CNGB3: variants seen among roughly 807,000 people sequenced by gnomAD.
CNGB3 encodes cyclic nucleotide-gated channel beta-3.
In CNGB3, 86 loss-of-function variants were observed where a neutral mutation model predicts 92.8. The observed-to-expected ratio is 0.93, with a 90% confidence interval of 0.78 to 1.11. The LOEUF (loss-of-function observed/expected upper bound fraction) is 1.11. Ranked by LOEUF, CNGB3 falls within the 50% of genes least tolerant of loss-of-function variation. The pLI is 0.00. For missense variants in CNGB3, 1,026 were observed against 956.8 expected, an observed-to-expected ratio of 1.07 and a Z score of -0.95; for synonymous variants, 333 against 332.7, an observed-to-expected ratio of 1.00 and a Z score of -0.01.
chr8:86,696,795 T>G (rs184142276), intron 3 of CNGB3, among the ~76,000 whole-genome samples: 5 of 152,370 alleles, frequency 3.3e-5, no homozygotes, highest in Non-Finnish European at 7.3e-5. Context: ...CTCTTTATTT[T>G]CAGTCTCTGT....
chr8:86,604,037 C>T (rs1160622206), intron 15 of CNGB3, 56 bp downstream of exon 15: 1 of 1,194,222 alleles, frequency 8.4e-7, no homozygotes, highest in South Asian at 1.2e-5. Flanking sequence ...CTACCTAAGA[C>T]TTTTCTTTTA....
intron 17 of CNGB3, 66 bp from the exon 18 acceptor site, chr8:86,576,196 A>G: frequency 6.5e-7 from 1 of 1,535,214 alleles, no homozygotes; most frequent in Admixed American, 1.7e-5. Context: ...TTAGATTTTG[A>G]TTAGCATGCA....
At chr8:86,620,457 T>C (rs897839237) in intron 13 of CNGB3, among the ~76,000 whole-genome samples, 1 of 152,152 alleles carries the variant, frequency 6.6e-6, no homozygotes, top group Admixed American at 6.5e-5. Context: ...GGTGTCTCTG[T>C]GTGTCCAAAT....
chr8:86,636,891 G>A (rs747456718), intron 10 of CNGB3, among the ~76,000 whole-genome samples: 1 of 152,092 alleles, frequency 6.6e-6, no homozygotes, highest in Non-Finnish European at 1.5e-5. Context: ...TAGGCATAAT[G>A]TCCCCCAGCA....
intron 15 of CNGB3, among the ~76,000 whole-genome samples, chr8:86,602,756 C>G (rs534331298): frequency 6.6e-6 from 1 of 152,320 alleles, no homozygotes; most frequent in South Asian, 2.1e-4. Flanking sequence ...TTCATTCTTG[C>G]TCCTCTACTG....
At chr8:86,605,466 A>G (rs1422028378) in intron 14 of CNGB3, among the ~76,000 whole-genome samples, 1 of 152,206 alleles carries the variant, frequency 6.6e-6, no homozygotes, top group Non-Finnish European at 1.5e-5. Flanking sequence ...ATAAAAAAAA[A>G]TAGCATTAAT....
chr8:86,725,739 C>A (rs550467328), intron 3 of CNGB3, among the ~76,000 whole-genome samples: 1 of 152,062 alleles, frequency 6.6e-6, no homozygotes, highest in South Asian at 2.1e-4. Context: ...AGAGAGAAGG[C>A]GGGGTAGGGT....
intron 3 of CNGB3, among the ~76,000 whole-genome samples, chr8:86,722,874 G>T (rs1004195323): frequency 1.3e-5 from 2 of 152,114 alleles, no homozygotes; most frequent in Non-Finnish European, 2.9e-5. Flanking sequence ...TTTCAGACGT[G>T]TACTGGAACT....
chr8:86,616,120 T>C (rs900854472), intron 13 of CNGB3, among the ~76,000 whole-genome samples: 2 of 152,154 alleles, frequency 1.3e-5, no homozygotes, highest in East Asian at 3.8e-4. Flanking sequence ...CACAAGCACT[T>C]ACATCGATAG....
chr8:86,600,004 C>T (rs531622380), intron 15 of CNGB3, among the ~76,000 whole-genome samples: 19 of 152,302 alleles, frequency 1.2e-4, no homozygotes, highest in South Asian at 6.2e-4. Context: ...AACCTGGTGA[C>T]ATGTGATGTC....
At chr8:86,682,563 G>A (rs1824101519) in intron 3 of CNGB3, among the ~76,000 whole-genome samples, 1 of 152,146 alleles carries the variant, frequency 6.6e-6, no homozygotes, top group Non-Finnish European at 1.5e-5. Flanking sequence ...TGTGGCTGGG[G>A]TCTGGAGATG....
chr8:86,739,855 T>C (rs572058062), intron 1 of CNGB3, 119 bp from the exon 2 acceptor site: 17 of 1,180,620 alleles, frequency 1.4e-5, no homozygotes, highest in African/African-American at 3.0e-5. Context: ...TGACTGTTTA[T>C]GATGTACTAA....
At chr8:86,724,293 T>G (rs575501040) in intron 3 of CNGB3, among the ~76,000 whole-genome samples, 9 of 152,284 alleles carry the variant, frequency 5.9e-5, no homozygotes, top group African/African-American at 1.7e-4. Context: ...TACAGCCTCA[T>G]GTTTTTTCCT....
intron 15 of CNGB3, among the ~76,000 whole-genome samples, chr8:86,600,662 C>G (rs867906031): frequency 6.7e-6 from 1 of 148,808 alleles, no homozygotes; most frequent in Admixed American, 6.7e-5. Context: ...CAGGCTGGAG[C>G]GCAGTGGCGC....
At chr8:86,608,762 G>A (rs1222665272) in intron 14 of CNGB3, among the ~76,000 whole-genome samples, 2 of 152,196 alleles carry the variant, frequency 1.3e-5, no homozygotes, top group Non-Finnish European at 2.9e-5. Flanking sequence ...GCTAGGCAGG[G>A]AAGGGACCCC....
intron 6 of CNGB3, chr8:86,659,613 C>A: frequency 1.9e-6 from 1 of 532,468 alleles, no homozygotes. Context: ...TCCAACTCTC[C>A]CACACGCGCC....
At chr8:86,663,347 TAC>T (rs1488813903) in intron 6 of CNGB3, among the ~76,000 whole-genome samples, 1 of 152,220 alleles carries the variant, frequency 6.6e-6, no homozygotes, top group Non-Finnish European at 1.5e-5. Flanking sequence ...TAAAGGAAAT[TAC>T]ATACAAGAGA....
chr8:86,631,444 C>T (rs1184709240), intron 11 of CNGB3, among the ~76,000 whole-genome samples: 1 of 152,138 alleles, frequency 6.6e-6, no homozygotes, highest in Admixed American at 6.6e-5. Flanking sequence ...CCATACGACC[C>T]TATGAACTAC....
chr8:86,598,551 A>G (rs1410006063), intron 15 of CNGB3, among the ~76,000 whole-genome samples: 1 of 152,240 alleles, frequency 6.6e-6, no homozygotes, highest in Non-Finnish European at 1.5e-5. Context: ...AAAATTTATT[A>G]TCTCACAGTT....
Sources: gnomAD v4.1 joint callset for allele counts (sites outside exome capture counted in the v4.1 genomes callset) on GRCh38, gnomAD v4.1.1 for gene constraint, MANE v1.5 for transcripts, NCBI Gene and HGNC (gene_info 2026-07-23, HGNC 2026-07-21) for gene names.